CSMD1: variants seen among roughly 807,000 people sequenced by gnomAD.
CSMD1 encodes CUB and sushi domain-containing protein 1.
CSMD1 carries 213 observed loss-of-function variants against 417.5 expected under a neutral mutation model. The ratio of observed to expected loss-of-function variants is 0.51; its 90% CI spans 0.46 to 0.57. The LOEUF is 0.57. Among genes scored for constraint, CSMD1 ranks in the 20% least tolerant of loss-of-function variants. The probability of loss-of-function intolerance (pLI) is 0.00; values close to 1 mark genes in which losing one functional copy is unlikely to be tolerated. For missense variants in CSMD1, 6,923 were observed against 4,529.7 expected (o/e 1.53, Z -15.17); for synonymous variants, 2,862 against 1,736.8 (o/e 1.65, Z -16.11).
intron 3 of CSMD1, among the ~76,000 whole-genome samples, chr8:4,214,559 A>G (rs1462674791): frequency 6.6e-6 from 1 of 152,120 alleles, no homozygotes; most frequent in Non-Finnish European, 1.5e-5. Context: ...TGGCCTCCCA[A>G]AGTGCTGGAA....
intron 2 of CSMD1, among the ~76,000 whole-genome samples, chr8:4,524,323 T>C (rs939363774): frequency 1.1e-4 from 17 of 151,770 alleles, no homozygotes; most frequent in Admixed American, 8.5e-4. Context: ...AAAGGTACTA[T>C]TCTACTGTTA....
intron 3 of CSMD1, among the ~76,000 whole-genome samples, chr8:4,279,725 T>G (rs983726790): frequency 3.3e-5 from 5 of 152,170 alleles, no homozygotes; most frequent in African/African-American, 1.2e-4. Flanking sequence ...TCATTGCAAT[T>G]TTCAATGCAG....
intron 2 of CSMD1, among the ~76,000 whole-genome samples, chr8:4,488,219 T>C (rs2130188405): frequency 6.6e-6 from 1 of 152,324 alleles, no homozygotes; most frequent in African/African-American, 2.4e-5. Flanking sequence ...AACAACTTAA[T>C]GGTATTTTGT....
chr8:4,856,219 G>C (rs1183330778), intron 1 of CSMD1, among the ~76,000 whole-genome samples: 1 of 38,114 alleles, frequency 2.6e-5, no homozygotes, highest in Non-Finnish European at 8.5e-5. Context: ...AATGCTGAGA[G>C]ATTTTTGTCA....
chr8:3,461,486 C>T (rs1263211021), intron 12 of CSMD1, among the ~76,000 whole-genome samples: 10 of 152,294 alleles, frequency 6.6e-5, no homozygotes, highest in African/African-American at 2.2e-4. Context: ...AGCTGTCTCA[C>T]CTCCACCCCA....
intron 51 of CSMD1, among the ~76,000 whole-genome samples, chr8:3,025,760 C>T (rs1809825378): frequency 2.6e-5 from 4 of 152,174 alleles, no homozygotes; most frequent in Admixed American, 2.6e-4. Flanking sequence ...ACATTCTTCA[C>T]ATTAATTTTT....
At chr8:4,584,255 G>A (rs970897709) in intron 2 of CSMD1, among the ~76,000 whole-genome samples, 6 of 151,950 alleles carry the variant, frequency 3.9e-5, no homozygotes, top group Admixed American at 1.3e-4. Context: ...TGGCGACCAC[G>A]AAGGGACTTT....
At chr8:2,986,783 C>T (rs1225941770) in intron 54 of CSMD1, among the ~76,000 whole-genome samples, 2 of 152,080 alleles carry the variant, frequency 1.3e-5, no homozygotes, top group South Asian at 2.1e-4. Flanking sequence ...GGATTACAGG[C>T]GTGAGCCACC....
intron 7 of CSMD1, among the ~76,000 whole-genome samples, chr8:3,617,157 G>A (rs1160765128): frequency 6.6e-6 from 1 of 151,892 alleles, no homozygotes; most frequent in African/African-American, 2.4e-5. Context: ...TTAGAGAGAA[G>A]AAAGTCTTCA....
intron 3 of CSMD1, among the ~76,000 whole-genome samples, chr8:4,112,859 T>G (rs1251528160): frequency 6.6e-6 from 1 of 152,228 alleles, no homozygotes; most frequent in South Asian, 2.1e-4. Flanking sequence ...ATTGCGTTTT[T>G]AAAAATTGAA....
intron 3 of CSMD1, among the ~76,000 whole-genome samples, chr8:4,164,867 A>C (rs147157527): frequency 2.0e-4 from 24 of 121,442 alleles, no homozygotes; most frequent in African/African-American, 7.7e-4. Flanking sequence ...ACAGAGCAAG[A>C]CTCCATCTCA....
chr8:4,636,341 A>G (rs1393370111), intron 2 of CSMD1, among the ~76,000 whole-genome samples: 1 of 152,208 alleles, frequency 6.6e-6, no homozygotes, highest in Non-Finnish European at 1.5e-5. Context: ...TGATACCAGG[A>G]AATGTTTTGC....
intron 5 of CSMD1, among the ~76,000 whole-genome samples, chr8:3,910,125 C>A (rs1808366907): frequency 6.6e-6 from 1 of 152,152 alleles, no homozygotes; most frequent in Admixed American, 6.5e-5. Flanking sequence ...TGGATAATAA[C>A]AGTGTGTGAG....
intron 2 of CSMD1, among the ~76,000 whole-genome samples, chr8:4,429,262 T>C (rs553724546): frequency 2.0e-5 from 3 of 152,172 alleles, no homozygotes; most frequent in East Asian, 1.9e-4. Flanking sequence ...TCAACAGTCC[T>C]ATCACTTCTT....
chr8:3,531,741 CT>C (rs1205453118), intron 10 of CSMD1, among the ~76,000 whole-genome samples: 1 of 152,212 alleles, frequency 6.6e-6, no homozygotes, highest in Non-Finnish European at 1.5e-5. Flanking sequence ...GAAATCACTT[CT>C]TTTCTAACAA....
chr8:3,843,016 AG>A (rs961343894), intron 5 of CSMD1, among the ~76,000 whole-genome samples: 4 of 152,140 alleles, frequency 2.6e-5, no homozygotes, highest in Admixed American at 1.3e-4. Flanking sequence ...AACCCTGAAA[AG>A]TAAGGATTAT....
intron 46 of CSMD1, among the ~76,000 whole-genome samples, chr8:3,100,176 C>T (rs1023187002): frequency 5.9e-5 from 9 of 152,064 alleles, no homozygotes; most frequent in Admixed American, 1.3e-4. Flanking sequence ...CTCAGCTGCC[C>T]GAGTAGCTGG....
At chr8:4,723,787 T>TAAAAAAAAAAAAAAA (rs57096241) in intron 1 of CSMD1, among the ~76,000 whole-genome samples, 13 of 131,460 alleles carry the variant, frequency 9.9e-5, no homozygotes, top group South Asian at 2.5e-4. Context: ...CTTTCGAATG[T>TAAAAAAAAAAAAAAA]AAAAAAAAAA....
chr8:3,946,960 A>C (rs1291454025), intron 5 of CSMD1, among the ~76,000 whole-genome samples: 3 of 152,204 alleles, frequency 2.0e-5, no homozygotes, highest in Non-Finnish European at 4.4e-5. Context: ...TTAAAACAAA[A>C]TTCACAGCAA....
Sources: gnomAD v4.1 joint callset for allele counts (sites outside exome capture counted in the v4.1 genomes callset) on GRCh38, gnomAD v4.1.1 for gene constraint, MANE v1.5 for transcripts, NCBI Gene and HGNC (gene_info 2026-07-23, HGNC 2026-07-21) for gene names.